Variants in ADGRV1 observed in about 807,000 individuals in gnomAD.
ADGRV1 encodes the protein adhesion G protein-coupled receptor V1, also known as G-protein coupled receptor 98.
A neutral mutation model predicts 596.2 loss-of-function variants in ADGRV1; 359 were observed. The ratio of observed to expected loss-of-function variants is 0.60; its 90% confidence interval spans 0.55 to 0.66. The LOEUF is 0.66. Among genes scored for constraint, ADGRV1 ranks in the 30% least tolerant of loss-of-function variants. The probability of loss-of-function intolerance (pLI) is 0.00; values close to 1 mark genes in which losing one functional copy is unlikely to be tolerated. For synonymous variants in ADGRV1, 2,681 were observed against 2,679.2 expected (o/e 1.00, Z -0.02); for missense variants, 7,274 against 7,575.6 (o/e 0.96, Z 1.48).
chr5:90,685,801 G>A lies in ADGRV1; in HGVS notation c.6296G>A (p.Gly2099Glu). 6.2e-7 allele frequency: 1 copy of A among 1,608,822 alleles called. No individual in the cohort carries two copies. Residue 2099 changes from glycine (G) to glutamate (E), a missense_variant, in exon 29 of 90, where the codon GGG (glycine) becomes GAG (glutamate). Physicochemically the swap from Gly to Glu is moderately conservative, Grantham distance 98. This residue lies in a region of ADGRV1 where 3,643 missense variants were observed against 3,809.2 expected (regional missense o/e 0.96). Transcript: ENST00000405460. ...TCAGTTCCAAATTCTCCACGTCTTG[G>A]GCCTAAGGTAGAAACTATTGCGCAA... ...SRSIPNSPRL[G>E]PKVETIAQLI...
At chr5:90,934,611 C>G (rs1426609660) in intron 83 of ADGRV1, among the ~76,000 whole-genome samples, 2 of 152,256 alleles carry the variant, frequency 1.3e-5, no homozygotes, top group South Asian at 4.1e-4. Context: ...AATTGTTGTT[C>G]CAGACTTTCA....
rs770033898 is a variant in ADGRV1, at chr5:90,810,233, A to ATT, written c.14974_14975insTT (p.Ser4992PhefsTer25). ...CTTCATGATTTAATTTTTTTCCCAG[A>ATT]TCAGGTTTCATTGTTGCTGAAATTG... On this transcript the variant is annotated frameshift_variant and splice_region_variant, in exon 74 of 90. Coordinates refer to ENST00000405460, the MANE Select transcript of ADGRV1 (RefSeq NM_032119.4). LOFTEE classifies it high-confidence loss of function. 1 of 1,546,334 alleles carries ATT rather than the reference A, an allele frequency of 6.5e-7. No homozygotes were observed.
chr5:90,894,923 C>G (rs1037782325), intron 83 of ADGRV1, among the ~76,000 whole-genome samples: 1 of 151,950 alleles, frequency 6.6e-6, no homozygotes, highest in African/African-American at 2.4e-5. Flanking sequence ...TTAAGTTTCT[C>G]TTTTCTTTCT....
intron 83 of ADGRV1, among the ~76,000 whole-genome samples, chr5:90,947,274 C>T (rs550266834): frequency 6.6e-6 from 1 of 152,214 alleles, no homozygotes; most frequent in South Asian, 2.1e-4. Context: ...TTGTTGGCCA[C>T]ATAAATGTCT....
Position 90,711,232 on chromosome 5 carries a change from G to A in ADGRV1, c.8952G>A (p.Arg2984=), listed in dbSNP as rs551747683. The A allele has an allele frequency of 1.9e-6, 3 of 1,613,080 alleles. No individual in the cohort carries two copies. The highest frequency in any genetic ancestry group is 1.3e-5 in the African/African-American group (1 of 75,014). The part of the protein sequence containing the change: ...THGSLTLVAQ[R]SREPLGHVSL... ...GAAGTTTAACATTGGTAGCCCAGAG[G>A]AGCAGAGAACCTCTTGGCCATGTTT... is the stretch of plus-strand genomic sequence containing the variant. The change falls in exon 41 of 90, where the codon AGG becomes AGA. Residue 2984 remains arginine, a synonymous_variant. Transcript: ENST00000405460.
intron 71 of ADGRV1, among the ~76,000 whole-genome samples, chr5:90,803,113 G>A (rs1444430522): frequency 6.6e-6 from 1 of 151,696 alleles, no homozygotes; most frequent in Non-Finnish European, 1.5e-5. Context: ...TTGATATTTT[G>A]TATCTAATAT....
chr5:90,947,548 G>T (rs999473094), intron 83 of ADGRV1, among the ~76,000 whole-genome samples: 2 of 152,074 alleles, frequency 1.3e-5, no homozygotes, highest in Non-Finnish European at 2.9e-5. Flanking sequence ...TTCTCAGGAA[G>T]AAGTTGAAAC....
At chr5:91,051,608 G>A (rs1012677230) in intron 85 of ADGRV1, among the ~76,000 whole-genome samples, 22 of 144,726 alleles carry the variant, frequency 1.5e-4, no homozygotes, top group African/African-American at 5.4e-4. Context: ...GTGCAGTGGC[G>A]CGATCTCGGC....
chr5:90,673,987 A>AT lies in ADGRV1; in HGVS notation c.4930-63dup, dbSNP rs1715423882. The AT allele has an allele frequency of 2.6e-6, 3 of 1,168,842 alleles. No individual in the cohort carries two copies. In the African/African-American group the frequency reaches 4.6e-5, roughly 18 times the overall value. The allele number at this position is 1,168,842 out of a possible 1,614,324, so 72.4% of individuals were successfully genotyped here. A position where few individuals can be genotyped will look rare whatever the true frequency, so the allele number is the denominator to read the frequency against. ...TAAATATAATTTAGTTGCCTTTTGA[A>AT]TTTTCTTCTAGTAAGTAATTTCTAA... On this transcript the variant is annotated intron_variant, in intron 22 of 89. Coordinates refer to ENST00000405460, the MANE Select transcript of ADGRV1 (RefSeq NM_032119.4).
At chr5:90,922,647 G>A (rs966435891) in intron 83 of ADGRV1, among the ~76,000 whole-genome samples, 3 of 152,166 alleles carry the variant, frequency 2.0e-5, no homozygotes, top group East Asian at 3.9e-4. Context: ...CTGCTTTCCC[G>A]GTGTTATCAT....
intron 1 of ADGRV1, among the ~76,000 whole-genome samples, chr5:90,584,846 T>C (rs1758542402): frequency 6.6e-6 from 1 of 152,204 alleles, no homozygotes; most frequent in Non-Finnish European, 1.5e-5. Flanking sequence ...AGAACCCACG[T>C]TTAAGAAGAG....
chr5:90,805,242 T>A, intron 71 of ADGRV1, 42 bp from the exon 72 acceptor site: 1 of 1,568,454 alleles, frequency 6.4e-7, no homozygotes, highest in Non-Finnish European at 8.7e-7. Flanking sequence ...AACAGGAAGG[T>A]TTAGAGAGAA....
intron 79 of ADGRV1, among the ~76,000 whole-genome samples, chr5:90,850,473 C>T (rs1475954741): frequency 6.6e-6 from 1 of 152,146 alleles, no homozygotes; most frequent in Non-Finnish European, 1.5e-5. Flanking sequence ...TCTTCAGAAA[C>T]CTCTGAAATG....
chr5:90,612,835 G>A (rs573611952), intron 1 of ADGRV1, among the ~76,000 whole-genome samples: 2 of 152,012 alleles, frequency 1.3e-5, no homozygotes, highest in Non-Finnish European at 2.9e-5. Flanking sequence ...CCTTTTGTAT[G>A]TTCACTCCAA....
At chr5:90,929,330 T>G (rs574102559) in intron 83 of ADGRV1, 1 of 153,448 alleles carries the variant, frequency 6.5e-6, no homozygotes, top group Non-Finnish European at 1.4e-5. Context: ...GATATAATCT[T>G]GTGGTGCGTC....
intron 59 of ADGRV1, among the ~76,000 whole-genome samples, chr5:90,769,482 A>G (rs1375572517): frequency 6.6e-6 from 1 of 152,208 alleles, no homozygotes; most frequent in Non-Finnish European, 1.5e-5. Flanking sequence ...AGAAATATAC[A>G]GAGAACAACT....
chr5:91,139,172 G>A (rs563803570), intron 87 of ADGRV1, among the ~76,000 whole-genome samples: 13 of 152,320 alleles, frequency 8.5e-5, no homozygotes, highest in East Asian at 1.9e-4. Flanking sequence ...AAGAGTCTAC[G>A]TGGACTATAT....
chr5:90,816,275 A>G (rs1286608067), intron 75 of ADGRV1, among the ~76,000 whole-genome samples: 2 of 152,080 alleles, frequency 1.3e-5, no homozygotes, highest in African/African-American at 2.4e-5. Context: ...TAAAAGAGAA[A>G]TGAGGAACAT....
intron 85 of ADGRV1, among the ~76,000 whole-genome samples, chr5:90,993,795 T>A (rs1231847908): frequency 4.6e-5 from 7 of 152,142 alleles, no homozygotes; most frequent in Non-Finnish European, 1.0e-4. Flanking sequence ...TTTGGGGAGT[T>A]TTCAGCCATT....
Sources: allele counts gnomAD v4.1 joint callset (sites outside exome capture counted in the v4.1 genomes callset), GRCh38; gene constraint gnomAD v4.1.1; regional missense constraint gnomAD v4.1.1; transcripts MANE v1.5; gene names NCBI Gene and HGNC (gene_info 2026-07-23, HGNC 2026-07-21).